Variants in FRAS1 observed in about 807,000 individuals in gnomAD.
FRAS1 encodes Fraser extracellular matrix complex subunit 1.
FRAS1 carries 290 observed loss-of-function variants against 435.2 expected under a neutral mutation model. That is an observed-to-expected ratio of 0.67 (90% CI 0.61 to 0.73). The LOEUF (loss-of-function observed/expected upper bound fraction) is 0.73, where lower values mean the gene tolerates loss of function less well. Ranked by LOEUF, FRAS1 falls within the 30% of genes least tolerant of loss-of-function variation. The probability of loss-of-function intolerance (pLI) is 0.00; values close to 1 mark genes in which losing one functional copy is unlikely to be tolerated. For missense variants in FRAS1, 4,860 were observed against 5,001.5 expected (o/e 0.97, Z 0.85); for synonymous variants, 1,800 against 1,851.0 (o/e 0.97, Z 0.71).
rs1727613355 is a variant in FRAS1 at position 78,286,510 on chromosome 4, G to A, written c.1505G>A (p.Gly502Asp). ...HGQCVPTCGD[G>D]FYQDRHSCAV... is the part of the protein sequence containing the mutation. ...CAGTGTGTGCCTACCTGTGGGGACG[G>A]CTTCTACCAAGATCGCCATTCCTGT... Residue 502 changes from glycine to aspartate, a missense_variant, in exon 14 of 74, where the codon GGC becomes GAC. Gly to Asp is a moderately conservative substitution (Grantham distance 94, BLOSUM62 -1). Transcript: ENST00000512123. 2.5e-6 allele frequency: 4 copies of A among 1,613,254 alleles called. No individual in the cohort carries two copies. Among genetic ancestry groups the A allele is most frequent in the Non-Finnish European group, 3.4e-6 (4 of 1,179,860 alleles).
At chr4:78,132,279 T>C (rs1272884579) in intron 2 of FRAS1, among the ~76,000 whole-genome samples, 1 of 152,216 alleles carries the variant, frequency 6.6e-6, no homozygotes, top group Non-Finnish European at 1.5e-5. Context: ...CCTATTTCAA[T>C]TGAGAATTAG....
intron 2 of FRAS1, among the ~76,000 whole-genome samples, chr4:78,112,920 G>A (rs1742838410): frequency 6.6e-6 from 1 of 151,940 alleles, no homozygotes; most frequent in Non-Finnish European, 1.5e-5. Context: ...TTGGTGTGCT[G>A]CACCCATTAA....
At chr4:78,389,330 A>G (rs1578292705) in intron 29 of FRAS1, among the ~76,000 whole-genome samples, 2 of 152,238 alleles carry the variant, frequency 1.3e-5, no homozygotes, top group Admixed American at 1.3e-4. Context: ...TTTGTTGAGG[A>G]CAGTTTAAAA....
intron 9 of FRAS1, among the ~76,000 whole-genome samples, chr4:78,270,584 T>C (rs1726626654): frequency 8.0e-6 from 1 of 125,316 alleles, no homozygotes; most frequent in South Asian, 3.0e-4. Context: ...CCACTTTCTT[T>C]GCCTCATTTA....
At position 78,518,452 on chromosome 4, in the gene FRAS1, ATT is replaced by A. The variant is rs1491197756; in HGVS notation, c.10390-877_10390-876del. Among the ~76,000 whole-genome samples the A allele has an allele frequency of 7.0e-3, 688 of 98,910 alleles. 3 individuals carry two copies. Among genetic ancestry groups the A allele is most frequent in the South Asian group, 0.019 (65 of 3,446 alleles). The allele number at this position is 98,910 out of a possible 152,430, so 64.9% of individuals were successfully genotyped here. A position where few individuals can be genotyped will look rare whatever the true frequency, so the allele number is the denominator to read the frequency against. On this transcript the variant is annotated intron_variant, in intron 66 of 73. Transcript: ENST00000512123. ...TATATATATATATATATATATATAT[ATT>A]TATTTATTTATTTATTTGTGGAAAA...
intron 2 of FRAS1, among the ~76,000 whole-genome samples, chr4:78,177,761 C>T (rs987647809): frequency 6.6e-6 from 1 of 152,174 alleles, no homozygotes; most frequent in African/African-American, 2.4e-5. Context: ...CTTTCAGGTG[C>T]CTCACCACCT....
In FRAS1 at chr4:78,496,841, A is replaced by C. The variant is rs1156698655; in HGVS notation, c.8995A>C (p.Met2999Leu). 6.2e-7 allele frequency: 1 copy of C among 1,613,800 alleles called. No homozygotes were observed. The highest frequency in any genetic ancestry group is 8.5e-7 in the Non-Finnish European group (1 of 1,179,762). The change falls in exon 60 of 74, where the codon ATG becomes CTG. Residue 2999 changes from methionine (M) to leucine (L), a missense_variant. Transcript: ENST00000512123. ...TACGGTCTATATCCACGATGACTCC[A>C]TGTTTGAGCCAGAGGAACAGTTCAG... Reference protein sequence around the residue: ...NCTVYIHDDSMFEPEEQFRVY... With the variant: ...NCTVYIHDDSLFEPEEQFRVY...
intron 2 of FRAS1, among the ~76,000 whole-genome samples, chr4:78,101,858 C>T (rs369285897): frequency 8.5e-5 from 13 of 152,142 alleles, no homozygotes; most frequent in African/African-American, 2.4e-4. Context: ...GTACATCCAT[C>T]GAGGCAGAGT....
Position 78,472,933 on chromosome 4 carries a change from T to A in FRAS1, c.7523-505T>A, listed in dbSNP as rs528848773. On this transcript the variant is annotated intron_variant, in intron 52 of 73. Coordinates refer to ENST00000512123, the MANE Select transcript of FRAS1 (RefSeq NM_025074.7). ...CCATGAATTTTCTTTTTACTCTCTG[T>A]CCTCAATTGTATGTTCTCTCCTCAC... Among the ~76,000 whole-genome samples, 11 of 152,312 alleles carry A rather than the reference T, an allele frequency of 7.2e-5. 1 individual carries two copies. In the South Asian group the frequency reaches 2.3e-3, roughly 32 times the overall value.
chr4:78,390,954 G>A (rs544822177), intron 29 of FRAS1, among the ~76,000 whole-genome samples: 3 of 152,360 alleles, frequency 2.0e-5, no homozygotes, highest in East Asian at 3.9e-4. Context: ...GATAGAAAAA[G>A]GAAGCTTTGT....
intron 59 of FRAS1, among the ~76,000 whole-genome samples, chr4:78,490,578 G>T (rs1474014298): frequency 1.3e-5 from 2 of 152,090 alleles, no homozygotes; most frequent in African/African-American, 4.8e-5. Context: ...CAAAATTAAG[G>T]CAGAAATAAA....
intron 44 of FRAS1, among the ~76,000 whole-genome samples, chr4:78,448,879 C>A (rs1718936731): frequency 6.6e-6 from 1 of 152,146 alleles, no homozygotes; most frequent in African/African-American, 2.4e-5. Flanking sequence ...GAACAGTTTG[C>A]AGTAGGAAGT....
chr4:78,544,107 G>A lies in FRAS1; in HGVS notation c.*2983G>A, dbSNP rs1560434534. ...TGTTATTCTTGGATACTACACACCT[G>A]CTCAGACTGAGTAAACATTTGTGGT... On this transcript the variant is annotated 3_prime_UTR_variant, in exon 74 of 74. Transcript: ENST00000512123. 3 of 152,638 alleles carry A rather than the reference G, an allele frequency of 2.0e-5. No individual in the cohort carries two copies. In the South Asian group the frequency reaches 6.2e-4, roughly 32 times the overall value. 9.5% of individuals were successfully genotyped at this position (152,638 alleles called of 1,614,324 possible).
At chr4:78,171,991 T>C (rs1326587401) in intron 2 of FRAS1, among the ~76,000 whole-genome samples, 4 of 152,162 alleles carry the variant, frequency 2.6e-5, no homozygotes, top group Admixed American at 6.5e-5. Context: ...AAGTCAAGAA[T>C]AGCTTCCTTC....
rs552830316 is a variant in FRAS1, at chr4:78,157,629, C to T, written c.109-79881C>T. On this transcript the variant is annotated intron_variant, in intron 2 of 73. Coordinates refer to ENST00000512123, the MANE Select transcript of FRAS1 (RefSeq NM_025074.7). ...TGTATGTCTTCTTTTTAAGAAGTGA[C>T]TGTTCATGTCATTTGCCCACTTTTT... Among the ~76,000 whole-genome samples, 233 of 152,262 alleles carry T rather than the reference C, an allele frequency of 1.5e-3. 2 individuals carry two copies. The highest frequency in any genetic ancestry group is 5.1e-3 in the African/African-American group (214 of 41,558).
At chr4:78,408,957 C>T (rs1352224151) in intron 31 of FRAS1, among the ~76,000 whole-genome samples, 2 of 151,424 alleles carry the variant, frequency 1.3e-5, no homozygotes, top group Admixed American at 6.6e-5. Flanking sequence ...AACCCTGTCT[C>T]GCAAAAAATA....
intron 13 of FRAS1, among the ~76,000 whole-genome samples, chr4:78,285,370 GA>G (rs1401136870): frequency 2.7e-5 from 4 of 146,436 alleles, no homozygotes; most frequent in Admixed American, 1.4e-4. Context: ...AAAAAAAAAA[GA>G]AAAAAAAAGT....
Position 78,108,468 on chromosome 4 carries a change from T to G in FRAS1, c.108+42452T>G, listed in dbSNP as rs1406301902. Among the ~76,000 whole-genome samples the G allele has an allele frequency of 2.1e-4, 18 of 87,732 alleles. No individual in the cohort carries two copies. The South Asian group carries it at 6.7e-3, about 33-fold the overall frequency. The allele number at this position is 87,732 out of a possible 152,430, so 57.6% of individuals were successfully genotyped here. A position where few individuals can be genotyped will look rare whatever the true frequency, so the allele number is the denominator to read the frequency against. The stretch of plus-strand genomic sequence containing the variant: ...TCTCACTCAAAGCCGTTCAACTACA[T>G]GGAAACTGAACAACCTGCTCCTGAA... On this transcript the variant is annotated intron_variant, in intron 2 of 73. Transcript: ENST00000512123.
rs151226872 is a variant in FRAS1, at chr4:78,267,387, A to C, written c.936A>C (p.Gln312His). Residue 312 changes from glutamine to histidine, a missense_variant, in exon 9 of 74, where the codon CAA (glutamine) becomes CAC (histidine). Coordinates refer to ENST00000512123, the MANE Select transcript of FRAS1 (RefSeq NM_025074.7). The part of the protein sequence containing the change: ...ACEFCMCDHG[Q>H]VTCQTGECAK... ...AGTTCTGCATGTGTGATCATGGCCA[A>C]GTGACCTGCCAGACTGGAGAGTGTG... 3.1e-6 allele frequency: 5 copies of C among 1,613,978 alleles called. No individual in the cohort carries two copies. The African/African-American group carries it at 6.7e-5, about 22-fold the overall frequency.
Sources: gnomAD v4.1 joint callset for allele counts (sites outside exome capture counted in the v4.1 genomes callset) on GRCh38, gnomAD v4.1.1 for gene constraint, MANE v1.5 for transcripts, NCBI Gene and HGNC (gene_info 2026-07-23, HGNC 2026-07-21) for gene names.